The following SPOCK3 variants were observed in gnomAD, a reference collection of about 807,000 sequenced individuals.
SPOCK3 encodes the protein testican-3.
In SPOCK3, 30 loss-of-function variants were observed where a neutral mutation model predicts 56.6. The observed-to-expected ratio is 0.53, with a 90% CI of 0.40 to 0.72. The LOEUF (loss-of-function observed/expected upper bound fraction) is 0.72, where lower values mean the gene tolerates loss of function less well. SPOCK3 is among the 30% of genes least tolerant of loss of function. SPOCK3 has a pLI of 0.00. For synonymous variants in SPOCK3, 196 were observed against 183.3 expected (o/e 1.07, Z -0.56); for missense variants, 527 against 530.0 (o/e 0.99, Z 0.06).
intron 4 of SPOCK3, among the ~76,000 whole-genome samples, chr4:166,950,721 T>TTA (rs1267669918): frequency 6.7e-6 from 1 of 149,252 alleles, no homozygotes; most frequent in Non-Finnish European, 1.5e-5. Context: ...AGAACAGAGA[T>TTA]TATAACAAAC....
At position 166,744,176 on chromosome 4, in the gene SPOCK3, C is replaced by T. The variant is rs531056064; in HGVS notation, c.932-2117G>A. Among the ~76,000 whole-genome samples the T allele has an allele frequency of 2.5e-3, 376 of 152,282 alleles. 2 individuals are homozygous for T. Among genetic ancestry groups the T allele is most frequent in the Non-Finnish European group, 4.1e-3 (279 of 68,022 alleles). ...CCTCCTCAAGTGGGTCCCTGACCCC[C>T]GAGTAGCCTAACTGGGAGATACCTC... On this transcript the variant is annotated intron_variant, in intron 8 of 10. Coordinates refer to ENST00000357545, the MANE Select transcript of SPOCK3 (RefSeq NM_001040159.2).
At chr4:167,128,608 C>A (rs1220898858) in intron 2 of SPOCK3, among the ~76,000 whole-genome samples, 1 of 152,190 alleles carries the variant, frequency 6.6e-6, no homozygotes, top group East Asian at 1.9e-4. Flanking sequence ...GAAGAATTGT[C>A]TTGGGCCACA....
intron 2 of SPOCK3, among the ~76,000 whole-genome samples, chr4:167,207,578 C>G (rs549672708): frequency 6.6e-6 from 1 of 152,082 alleles, no homozygotes; most frequent in South Asian, 2.1e-4. Flanking sequence ...CATTTATTAC[C>G]TACAAACCCA....
At chr4:167,088,183 A>G (rs140080237) in intron 2 of SPOCK3, among the ~76,000 whole-genome samples, 6 of 152,266 alleles carry the variant, frequency 3.9e-5, no homozygotes, top group African/African-American at 1.2e-4. Flanking sequence ...TATAACATGG[A>G]TTTCTGGTTA....
intron 7 of SPOCK3, among the ~76,000 whole-genome samples, chr4:166,772,915 T>C (rs1469136064): frequency 6.6e-6 from 1 of 152,076 alleles, no homozygotes; most frequent in African/African-American, 2.4e-5. Flanking sequence ...CTCAGCTTCC[T>C]AAGGATAAGA....
intron 6 of SPOCK3, among the ~76,000 whole-genome samples, chr4:166,850,795 C>A (rs141383759): frequency 6.6e-6 from 1 of 152,160 alleles, no homozygotes; most frequent in African/African-American, 2.4e-5. Context: ...GATTATATCC[C>A]GCACCTGGCT....
chr4:167,041,842 C>T (rs2150202140), intron 3 of SPOCK3, among the ~76,000 whole-genome samples: 1 of 152,014 alleles, frequency 6.6e-6, no homozygotes. Flanking sequence ...TGTATACATG[C>T]ATTAAAACAT....
intron 2 of SPOCK3, among the ~76,000 whole-genome samples, chr4:167,095,068 C>T (rs1263081242): frequency 1.1e-4 from 16 of 152,080 alleles, no homozygotes; most frequent in Admixed American, 9.8e-4. Flanking sequence ...GCCTTTAATT[C>T]TATTCAGGTA....
chr4:166,967,951 T>G (rs28877899), intron 4 of SPOCK3, among the ~76,000 whole-genome samples: 52,929 of 152,002 alleles, frequency 0.35, 10,987 homozygotes, highest in African/African-American at 0.59. Context: ...CAGATGGAGA[T>G]GAGGGACTTA....
At chr4:167,205,579 TA>T (rs1734229490) in intron 2 of SPOCK3, among the ~76,000 whole-genome samples, 3 of 84,824 alleles carry the variant, frequency 3.5e-5, no homozygotes, top group South Asian at 2.8e-4. Flanking sequence ...ATATATAATA[TA>T]ATATAAAATA....
At chr4:166,800,094 A>G (rs1307422372) in intron 6 of SPOCK3, among the ~76,000 whole-genome samples, 4 of 148,826 alleles carry the variant, frequency 2.7e-5, no homozygotes, top group Non-Finnish European at 5.9e-5. Context: ...AGGCAGGAGA[A>G]TGGCGTGAAC....
chr4:167,212,507 C>T (rs1324955962), intron 2 of SPOCK3, among the ~76,000 whole-genome samples: 1 of 152,104 alleles, frequency 6.6e-6, no homozygotes, highest in Non-Finnish European at 1.5e-5. Flanking sequence ...TCCCAAAGTG[C>T]TGGGATTACA....
intron 4 of SPOCK3, among the ~76,000 whole-genome samples, chr4:166,981,388 G>T (rs551864709): frequency 1.5e-4 from 22 of 150,798 alleles, no homozygotes; most frequent in African/African-American, 5.1e-4. Flanking sequence ...GCGGGCAGGA[G>T]ATCCCAATGA....
At chr4:166,796,298 AGTT>A (rs1229406093) in intron 6 of SPOCK3, among the ~76,000 whole-genome samples, 6 of 152,304 alleles carry the variant, frequency 3.9e-5, no homozygotes, top group African/African-American at 1.2e-4. Flanking sequence ...TGGCAATATG[AGTT>A]GTTAATTATG....
At chr4:166,981,958 G>A (rs1456103782) in intron 4 of SPOCK3, among the ~76,000 whole-genome samples, 2 of 152,234 alleles carry the variant, frequency 1.3e-5, no homozygotes, top group Non-Finnish European at 2.9e-5. Flanking sequence ...AGATGCCAGA[G>A]TTCGGAGAGG....
At chr4:166,876,397 C>T (rs1733089101) in intron 6 of SPOCK3, among the ~76,000 whole-genome samples, 1 of 151,928 alleles carries the variant, frequency 6.6e-6, no homozygotes, top group African/African-American at 2.4e-5. Context: ...TTAGAAGCTC[C>T]GTGGAAGAGA....
At chr4:166,941,802 T>C (rs768679899) in intron 4 of SPOCK3, among the ~76,000 whole-genome samples, 1 of 152,094 alleles carries the variant, frequency 6.6e-6, no homozygotes, top group Admixed American at 6.5e-5. Context: ...TCCCGGGGCA[T>C]AGTAAGAACC....
chr4:166,997,494 A>T (rs7683649), intron 4 of SPOCK3, among the ~76,000 whole-genome samples: 2,530 of 152,224 alleles, frequency 0.017, 64 homozygotes, highest in African/African-American at 0.057. Context: ...GATTATCTAG[A>T]TTGACCATTT....
At chr4:167,125,078 G>T (rs1335783901) in intron 2 of SPOCK3, among the ~76,000 whole-genome samples, 2 of 151,642 alleles carry the variant, frequency 1.3e-5, no homozygotes, top group Non-Finnish European at 2.9e-5. Context: ...TTCGTCCCTT[G>T]CTTACTATAT....
Sources: allele counts gnomAD v4.1 joint callset (sites outside exome capture counted in the v4.1 genomes callset), GRCh38; gene constraint gnomAD v4.1.1; transcripts MANE v1.5; gene names NCBI Gene and HGNC (gene_info 2026-07-23, HGNC 2026-07-21).